The following MMAA variants were observed in gnomAD, a reference collection of about 807,000 sequenced individuals.
The protein encoded by MMAA is metabolism of cobalamin associated A, also known as methylmalonic aciduria type A protein, mitochondrial.
MMAA carries 41 observed loss-of-function variants against 45.0 expected under a neutral mutation model. The ratio of observed to expected loss-of-function variants is 0.91; its 90% confidence interval spans 0.71 to 1.18. The LOEUF (loss-of-function observed/expected upper bound fraction) is 1.18, where lower values mean the gene tolerates loss of function less well. MMAA is among the 50% of genes most tolerant of loss of function. MMAA has a pLI of 0.00. For missense variants in MMAA, 460 were observed against 495.7 expected (o/e 0.93, Z 0.68); for synonymous variants, 154 against 178.2 (o/e 0.86, Z 1.08).
intron 1 of MMAA, among the ~76,000 whole-genome samples, chr4:145,623,993 A>G (rs1734143570): frequency 6.6e-6 from 1 of 152,186 alleles, no homozygotes; most frequent in Non-Finnish European, 1.5e-5. Context: ...TTAAACAGTA[A>G]CTTATAATCT....
chr4:145,641,652 T>C (rs1727788092), intron 2 of MMAA, among the ~76,000 whole-genome samples: 1 of 152,210 alleles, frequency 6.6e-6, no homozygotes, highest in African/African-American at 2.4e-5. Context: ...ACTATTACTA[T>C]ATCTATTTTA....
At chr4:145,624,593 T>C (rs1734159721) in intron 1 of MMAA, 4 of 1,274,738 alleles carry the variant, frequency 3.1e-6, no homozygotes, top group Non-Finnish European at 4.5e-6. Context: ...GAAGGAACCA[T>C]TGACTTTGGT....
intron 4 of MMAA, chr4:145,646,445 T>A (rs1205524707): frequency 2.8e-6 from 1 of 362,444 alleles, no homozygotes; most frequent in East Asian, 6.3e-5. Context: ...GTGTAAATGA[T>A]GCTTTGGCAC....
intron 1 of MMAA, among the ~76,000 whole-genome samples, chr4:145,630,925 A>G (rs1734324264): frequency 6.6e-6 from 1 of 152,196 alleles, no homozygotes; most frequent in Non-Finnish European, 1.5e-5. Context: ...ATTCAGGAAC[A>G]TGTTGTTTAA....
rs4835239 is a variant in MMAA, at chr4:145,639,840, C to T, written c.439+262C>T. On this transcript the variant is annotated intron_variant, in intron 2 of 6. Coordinates refer to ENST00000649156, the MANE Select transcript of MMAA (RefSeq NM_172250.3). ...AAGAATCTTGCTCTGGATCCCAGGA[C>T]AGAAATATTCATAGGAAGAACTACT... 194,178 of 978,752 alleles carry T rather than the reference C, an allele frequency of 0.2. 21,667 individuals carry two copies. Among genetic ancestry groups the T allele is most frequent in the African/African-American group, 0.45 (25,569 of 56,954 alleles). The allele number at this position is 978,752 out of a possible 1,614,324, so 60.6% of individuals were successfully genotyped here. A position where few individuals can be genotyped will look rare whatever the true frequency, so the allele number is the denominator to read the frequency against.
In MMAA at chr4:145,656,058, G is replaced by A. The variant is rs1034056790; in HGVS notation, c.*624G>A. ...AGGTAAGAGAGCAAAAGGGAACTGGGAAAAATCAGCTACAAATAAAATGGG... is the reference window on the plus strand; with the variant it reads ...AGGTAAGAGAGCAAAAGGGAACTGGAAAAAATCAGCTACAAATAAAATGGG... On this transcript the variant is annotated 3_prime_UTR_variant, in exon 7 of 7. Transcript: ENST00000649156. The A allele has an allele frequency of 6.6e-6, 1 of 152,088 alleles. No homozygotes were observed. The highest frequency in any genetic ancestry group is 1.5e-5 in the Non-Finnish European group (1 of 68,008). The allele number at this position is 152,088 out of a possible 1,614,324, so 9.4% of individuals were successfully genotyped here. A position where few individuals can be genotyped will look rare whatever the true frequency, so the allele number is the denominator to read the frequency against.
At chr4:145,644,481 T>A (rs1449873428) in intron 3 of MMAA, among the ~76,000 whole-genome samples, 2 of 152,198 alleles carry the variant, frequency 1.3e-5, no homozygotes, top group Admixed American at 1.3e-4. Context: ...GTGGAAACAT[T>A]ATGTGGAAAG....
intron 4 of MMAA, among the ~76,000 whole-genome samples, chr4:145,649,748 GGAGA>G (rs2126626257): frequency 6.6e-6 from 1 of 152,124 alleles, no homozygotes; most frequent in Admixed American, 6.5e-5. Flanking sequence ...ACCGAGAAAG[GGAGA>G]GAGTTTCCAG....
intron 1 of MMAA, among the ~76,000 whole-genome samples, chr4:145,634,380 T>TTAA (rs1727549426): frequency 1.3e-5 from 2 of 152,104 alleles, no homozygotes; most frequent in Non-Finnish European, 2.9e-5. Context: ...AGACTACTGC[T>TTAA]GATGCTCCCT....
Position 145,634,969 on chromosome 4 carries a change from G to A in MMAA, c.-65-4106G>A, listed in dbSNP as rs372001677. 9.9e-5 allele frequency among the ~76,000 whole-genome samples: 15 copies of A among 151,884 alleles called. No individual in the cohort carries two copies. In the East Asian group the frequency reaches 1.8e-3, roughly 18 times the overall value. On this transcript the variant is annotated intron_variant, in intron 1 of 6. Coordinates refer to ENST00000649156, the MANE Select transcript of MMAA (RefSeq NM_172250.3). The stretch of plus-strand genomic sequence containing the variant: ...CCGCTCTTCCCTTTCCTTTCCTCAA[G>A]CAGAAAGAAGGTGTCTCTTTTGCAG...
At chr4:145,631,769 G>A (rs894334814) in intron 1 of MMAA, among the ~76,000 whole-genome samples, 7 of 151,936 alleles carry the variant, frequency 4.6e-5, no homozygotes, top group Admixed American at 1.3e-4. Context: ...ATATGATTTA[G>A]TTTCTTGCTT....
intron 2 of MMAA, 53 bp from the exon 3 acceptor site, chr4:145,642,310 G>A (rs1727808939): frequency 6.9e-6 from 11 of 1,601,340 alleles, no homozygotes; most frequent in South Asian, 1.1e-5. Context: ...AAAACTGATC[G>A]TAGTTCTGAT....
intron 1 of MMAA, among the ~76,000 whole-genome samples, chr4:145,635,402 C>T (rs1057154674): frequency 1.4e-4 from 22 of 152,328 alleles, no homozygotes; most frequent in Admixed American, 1.4e-3. Flanking sequence ...CTCTCCCCAT[C>T]TCACAGAAAT....
chr4:145,643,633 T>C (rs779831125), intron 3 of MMAA, among the ~76,000 whole-genome samples: 15 of 152,094 alleles, frequency 9.9e-5, no homozygotes, highest in Admixed American at 3.9e-4. Flanking sequence ...AAAAGTTAAC[T>C]GTAAAATAAA....
chr4:145,620,873 T>C (rs9998804), intron 1 of MMAA, among the ~76,000 whole-genome samples: 1 of 152,190 alleles, frequency 6.6e-6, no homozygotes, highest in African/African-American at 2.4e-5. Context: ...TGGAAGATAG[T>C]AAACTCTCCT....
intron 2 of MMAA, among the ~76,000 whole-genome samples, chr4:145,640,091 T>C (rs1243752367): frequency 6.6e-6 from 1 of 152,122 alleles, no homozygotes; most frequent in African/African-American, 2.4e-5. Flanking sequence ...ATGTATTTTA[T>C]TTATTTTTAT....
chr4:145,619,780 G>C (rs28505885), intron 1 of MMAA, among the ~76,000 whole-genome samples: 1 of 152,112 alleles, frequency 6.6e-6, no homozygotes, highest in Non-Finnish European at 1.5e-5. Context: ...GTTAACCTGA[G>C]GCCGCGTCAG....
At chr4:145,622,915 G>C (rs1734118362) in intron 1 of MMAA, among the ~76,000 whole-genome samples, 1 of 152,186 alleles carries the variant, frequency 6.6e-6, no homozygotes, top group South Asian at 2.1e-4. Flanking sequence ...CAATGACACT[G>C]TGAGTCCATG....
At chr4:145,635,097 C>G (rs748186981) in intron 1 of MMAA, among the ~76,000 whole-genome samples, 1 of 152,050 alleles carries the variant, frequency 6.6e-6, no homozygotes, top group Non-Finnish European at 1.5e-5. Flanking sequence ...CCCTGAAACC[C>G]CCTAGTCCAC....
Sources: allele counts gnomAD v4.1 joint callset (sites outside exome capture counted in the v4.1 genomes callset), GRCh38; gene constraint gnomAD v4.1.1; transcripts MANE v1.5; gene names NCBI Gene and HGNC (gene_info 2026-07-23, HGNC 2026-07-21).